The following CSMD1 variants were observed in gnomAD, a reference collection of about 807,000 sequenced individuals.
CSMD1 encodes the protein CUB and sushi domain-containing protein 1.
A neutral mutation model predicts 417.5 loss-of-function variants in CSMD1; 213 were observed. The observed-to-expected ratio is 0.51, with a 90% CI of 0.46 to 0.57. The LOEUF (loss-of-function observed/expected upper bound fraction) is 0.57, where lower values mean the gene tolerates loss of function less well. Ranked by LOEUF, CSMD1 falls within the 20% of genes least tolerant of loss-of-function variation. The pLI, the probability that CSMD1 is intolerant of heterozygous loss-of-function variation, is 0.00. For missense variants in CSMD1, 6,923 were observed against 4,529.7 expected, an observed-to-expected ratio of 1.53 and a Z score of -15.17; for synonymous variants, 2,862 against 1,736.8, an observed-to-expected ratio of 1.65 and a Z score of -16.11.
intron 1 of CSMD1, among the ~76,000 whole-genome samples, chr8:4,775,101 G>A (rs1417424837): frequency 6.6e-6 from 1 of 152,184 alleles, no homozygotes; most frequent in Non-Finnish European, 1.5e-5. Context: ...AAGAGCAACA[G>A]AAGGAAATAT....
chr8:4,035,380 T>G (rs898035422), intron 3 of CSMD1, among the ~76,000 whole-genome samples: 2 of 152,200 alleles, frequency 1.3e-5, no homozygotes, highest in Non-Finnish European at 2.9e-5. Context: ...TTTCAGAGTG[T>G]GCTTCTTCTA....
At chr8:3,007,916 T>C (rs1207543340) in intron 52 of CSMD1, among the ~76,000 whole-genome samples, 2 of 152,042 alleles carry the variant, frequency 1.3e-5, no homozygotes, top group Non-Finnish European at 2.9e-5. Context: ...AAACTTAAAG[T>C]ATAATAATAA....
chr8:3,779,446 A>G (rs960105328), intron 5 of CSMD1, among the ~76,000 whole-genome samples: 1 of 152,170 alleles, frequency 6.6e-6, no homozygotes, highest in African/African-American at 2.4e-5. Context: ...TTAAGTTGTC[A>G]TTTTAAAATT....
intron 1 of CSMD1, among the ~76,000 whole-genome samples, chr8:4,754,849 A>G (rs1811569581): frequency 6.6e-6 from 1 of 150,888 alleles, no homozygotes; most frequent in African/African-American, 2.4e-5. Context: ...ACTTAAAAAA[A>G]CAAAGTCGGA....
At chr8:4,169,451 C>T (rs936816030) in intron 3 of CSMD1, among the ~76,000 whole-genome samples, 2 of 152,128 alleles carry the variant, frequency 1.3e-5, no homozygotes, top group African/African-American at 4.8e-5. Context: ...AGCTAGTTTT[C>T]TTCAACATAT....
chr8:4,029,891 A>G (rs749769296), intron 4 of CSMD1, among the ~76,000 whole-genome samples: 17 of 145,634 alleles, frequency 1.2e-4, no homozygotes, highest in Non-Finnish European at 1.4e-4. Flanking sequence ...AAATGGGAGA[A>G]ATTGGTCAAA....
intron 8 of CSMD1, among the ~76,000 whole-genome samples, chr8:3,605,328 C>G (rs1260019318): frequency 1.8e-4 from 27 of 152,152 alleles, no homozygotes; most frequent in Non-Finnish European, 1.5e-5. Flanking sequence ...ACATTTACTC[C>G]CTGGTTTCTA....
intron 3 of CSMD1, among the ~76,000 whole-genome samples, chr8:4,048,675 G>C (rs1004272071): frequency 6.6e-6 from 1 of 152,164 alleles, no homozygotes; most frequent in Non-Finnish European, 1.5e-5. Context: ...AGGAAAGTGT[G>C]ATTGGATCAA....
At chr8:3,926,170 T>G (rs926656901) in intron 5 of CSMD1, among the ~76,000 whole-genome samples, 2 of 151,572 alleles carry the variant, frequency 1.3e-5, no homozygotes, top group Non-Finnish European at 2.9e-5. Context: ...GTATACTTTC[T>G]AAGTCATATT....
At chr8:4,041,022 T>TC (rs1327714023) in intron 3 of CSMD1, among the ~76,000 whole-genome samples, 1,484 of 138,932 alleles carry the variant, frequency 0.011, 32 homozygotes, top group African/African-American at 0.036. Context: ...TTTTCCTTTT[T>TC]TTTTTTTTTT....
chr8:3,468,282 C>T (rs890175236), intron 12 of CSMD1, among the ~76,000 whole-genome samples: 1 of 152,144 alleles, frequency 6.6e-6, no homozygotes, highest in African/African-American at 2.4e-5. Flanking sequence ...ATGACAGGCA[C>T]AGGGCTTTCA....
At chr8:4,932,143 T>C (rs1344595242) in intron 1 of CSMD1, among the ~76,000 whole-genome samples, 1 of 152,244 alleles carries the variant, frequency 6.6e-6, no homozygotes, top group African/African-American at 2.4e-5. Context: ...CTGTTGCTTC[T>C]AGATAAATTG....
intron 49 of CSMD1, among the ~76,000 whole-genome samples, chr8:3,069,042 G>T (rs1030715936): frequency 1.3e-5 from 2 of 152,054 alleles, no homozygotes; most frequent in African/African-American, 4.8e-5. Context: ...TTCCATTTAT[G>T]AACTTGGAAA....
intron 5 of CSMD1, among the ~76,000 whole-genome samples, chr8:3,896,127 G>A (rs529115641): frequency 1.1e-4 from 17 of 152,242 alleles, no homozygotes; most frequent in African/African-American, 4.1e-4. Context: ...TGGGGCTTGA[G>A]TAACAAGCCC....
At chr8:3,459,265 G>C (rs1388169286) in intron 12 of CSMD1, among the ~76,000 whole-genome samples, 4 of 152,194 alleles carry the variant, frequency 2.6e-5, no homozygotes, top group South Asian at 2.1e-4. Context: ...TCATGGACCA[G>C]AGTGAGCAGG....
intron 1 of CSMD1, among the ~76,000 whole-genome samples, chr8:4,722,799 T>A (rs1809146434): frequency 6.6e-6 from 1 of 152,200 alleles, no homozygotes; most frequent in Admixed American, 6.5e-5. Flanking sequence ...CAGGAATACT[T>A]GTTTTCTTCT....
At chr8:3,900,532 TGACAGTGAAGCTA>T (rs1807674505) in intron 5 of CSMD1, among the ~76,000 whole-genome samples, 1 of 140,608 alleles carries the variant, frequency 7.1e-6, no homozygotes, top group African/African-American at 3.3e-5. Flanking sequence ...TACAGCTGGG[TGACAGTGAAGCTA>T]GGTGACAGTG....
At chr8:4,698,681 C>A (rs977316923) in intron 1 of CSMD1, among the ~76,000 whole-genome samples, 1 of 150,188 alleles carries the variant, frequency 6.7e-6, no homozygotes, top group African/African-American at 2.5e-5. Context: ...AGGAAGAAGC[C>A]CTCCTCCCTC....
intron 23 of CSMD1, among the ~76,000 whole-genome samples, chr8:3,337,255 G>T (rs7821876): frequency 0.14 from 20,629 of 152,086 alleles, 2,087 homozygotes; most frequent in African/African-American, 0.28. Context: ...AAAATATTTT[G>T]ATAAACATAC....
Sources: allele counts gnomAD v4.1 joint callset (sites outside exome capture counted in the v4.1 genomes callset), GRCh38; gene constraint gnomAD v4.1.1; transcripts MANE v1.5; gene names NCBI Gene and HGNC (gene_info 2026-07-23, HGNC 2026-07-21).